Variants in VRK3 observed in about 807,000 individuals in gnomAD.
VRK3 encodes the protein VRK serine/threonine kinase 3.
VRK3 carries 50 observed loss-of-function variants against 60.4 expected under a neutral mutation model. The ratio of observed to expected loss-of-function variants is 0.83; its 90% CI spans 0.66 to 1.05. VRK3 has a LOEUF of 1.05. Among genes scored for constraint, VRK3 ranks in the 50% least tolerant of loss-of-function variants. The pLI, the probability that VRK3 is intolerant of heterozygous loss-of-function variation, is 0.00. For synonymous variants in VRK3, 246 were observed against 227.8 expected (o/e 1.08, Z -0.72); for missense variants, 549 against 585.3 (o/e 0.94, Z 0.64).
At position 49,991,199 on chromosome 19, in the gene VRK3, C is replaced by A. The variant is rs549171326; in HGVS notation, c.964-1428G>T. Among the ~76,000 whole-genome samples the A allele has an allele frequency of 1.5e-4, 23 of 152,278 alleles. 1 individual carries two copies. Among genetic ancestry groups the A allele is most frequent in the Admixed American group, 6.5e-4 (10 of 15,296 alleles). On this transcript the variant is annotated intron_variant, in intron 10 of 14. Coordinates refer to ENST00000316763, the MANE Select transcript of VRK3 (RefSeq NM_016440.4). The stretch of plus-strand genomic sequence containing the variant: ...ATGAGGGTGTTCTGGATGAGATGAA[C>A]ATTGGGGTTTGTAGACTGAGCAAGG...
In VRK3 at chr19:50,016,141, A is replaced by T; in HGVS notation, c.22T>A (p.Cys8Ser). 1 of 1,614,254 alleles carries T rather than the reference A, an allele frequency of 6.2e-7. No individual in the cohort carries two copies. The highest frequency in any genetic ancestry group is 8.5e-7 in the Non-Finnish European group (1 of 1,180,058). ...AATGCCGCTTGGATACTTTTGCCACAGTCTGGACAGAAGGAGATCATGCTA... is the reference window on the plus strand; with the variant it reads ...AATGCCGCTTGGATACTTTTGCCACTGTCTGGACAGAAGGAGATCATGCTA... MISFCPD[C>S]GKSIQAAFKF... The change falls in exon 3 of 15, where the codon TGT becomes AGT. Residue 8 changes from cysteine to serine, a missense_variant. By Grantham distance (112) the Cys-to-Ser change is moderately radical. Transcript: ENST00000316763.
At chr19:50,009,422 A>C in intron 3 of VRK3, 37 bp from the exon 4 acceptor site, 2 of 1,609,288 alleles carry the variant, frequency 1.2e-6, no homozygotes, top group Non-Finnish European at 1.7e-6. Flanking sequence ...CTGGAGTTAC[A>C]AAGGCCCCTC....
intron 3 of VRK3, among the ~76,000 whole-genome samples, chr19:50,009,702 T>G (rs2033263): frequency 0.037 from 5,594 of 152,160 alleles, 349 homozygotes; most frequent in African/African-American, 0.13. Context: ...GGTGCAATCT[T>G]GGCTCACTGC....
chr19:50,019,947 T>G (rs537771051), intron 2 of VRK3, among the ~76,000 whole-genome samples: 7 of 151,990 alleles, frequency 4.6e-5, no homozygotes, highest in East Asian at 1.9e-4. Flanking sequence ...GGCACGATCT[T>G]GGCTCACTGC....
chr19:49,988,514 T>C (rs902954313), intron 11 of VRK3, 22 bp from the exon 12 acceptor site: 2 of 1,609,682 alleles, frequency 1.2e-6, no homozygotes, highest in South Asian at 1.1e-5. Flanking sequence ...GGAGTAAAGG[T>C]GGCAGCTCAA....
In VRK3 at chr19:50,019,674, CTTTTTTTTTTTTTTTTTTTTTTTTT is replaced by C. The variant is rs568877003; in HGVS notation, c.-2+886_-2+910del. On this transcript the variant is annotated intron_variant, in intron 2 of 14. Transcript: ENST00000316763. ...ACAGGCATGTGCCACCATGCCTGGC[CTTTTTTTTTTTTTTTTTTTTTTTTT>C]TTTTTTTTTTTTTTACTTTTTGTAG... Among the ~76,000 whole-genome samples the C allele has an allele frequency of 8.4e-4, 38 of 45,018 alleles. 1 individual carries two copies. Among genetic ancestry groups the C allele is most frequent in the Middle Eastern group, 0.037 (2 of 54 alleles). 29.5% of individuals were successfully genotyped at this position (45,018 alleles called of 152,430 possible). A position where few individuals can be genotyped will look rare whatever the true frequency, so the allele number is the denominator to read the frequency against.
rs750009257 is a variant in VRK3 at position 50,007,614 on chromosome 19, G to A, written c.502C>T (p.Leu168=). ...LTDKSGRQWK[L]KSFQTRDNQG... ...TTGTCCCTGGTCTGGAAGGACTTCA[G>A]CTTCCACTGTCGCCCACTCTTGTCT... Residue 168 remains leucine, a synonymous_variant, in exon 5 of 15, where the codon CTG becomes TTG. Transcript: ENST00000316763. The A allele has an allele frequency of 2.8e-5, 45 of 1,614,104 alleles. No homozygotes were observed. In the East Asian group the frequency reaches 9.8e-4, roughly 35 times the overall value.
intron 12 of VRK3, among the ~76,000 whole-genome samples, chr19:49,985,452 C>T (rs2076495638): frequency 1.3e-5 from 2 of 152,222 alleles, no homozygotes; most frequent in African/African-American, 4.8e-5. Context: ...TAGCATCAAA[C>T]TGTGTCATCC....
intron 12 of VRK3, chr19:49,987,685 C>A (rs1024301710): frequency 2.0e-5 from 3 of 151,482 alleles, no homozygotes; most frequent in Non-Finnish European, 4.4e-5. Flanking sequence ...GTCATAGTTT[C>A]CCACACACAA....
intron 12 of VRK3, chr19:49,982,338 T>A: frequency 1.5e-6 from 1 of 646,486 alleles, no homozygotes; most frequent in Non-Finnish European, 2.8e-6. Context: ...GCTGTTTGAT[T>A]TTTTGTGGAG....
chr19:49,996,035 C>A (rs62115170), intron 7 of VRK3, among the ~76,000 whole-genome samples: 18,326 of 152,076 alleles, frequency 0.12, 1,414 homozygotes, highest in East Asian at 0.29. Context: ...GATTCTCCTG[C>A]CTCAGCCTCC....
At chr19:50,009,444 T>C (rs117151723) in intron 3 of VRK3, 59 bp from the exon 4 acceptor site, 47 of 1,594,256 alleles carry the variant, frequency 2.9e-5, no homozygotes, top group Non-Finnish European at 3.8e-5. Flanking sequence ...GCAGGCACCA[T>C]TGGACTGGGA....
At chr19:49,983,288 C>T (rs1195724481) in intron 12 of VRK3, among the ~76,000 whole-genome samples, 1 of 152,212 alleles carries the variant, frequency 6.6e-6, no homozygotes, top group Non-Finnish European at 1.5e-5. Context: ...ATATCGCTCT[C>T]GCTGCCTGGG....
At chr19:49,998,863 T>C (rs1432374280) in intron 6 of VRK3, 2 of 141,352 alleles carry the variant, frequency 1.4e-5, no homozygotes, top group Non-Finnish European at 3.0e-5. Context: ...CTCATGCCTA[T>C]AATCCCAGCA....
chr19:49,991,082 T>C (rs904773690), intron 10 of VRK3, among the ~76,000 whole-genome samples: 2 of 152,296 alleles, frequency 1.3e-5, no homozygotes, highest in South Asian at 4.1e-4. Flanking sequence ...TGTGAGCCAC[T>C]GGGCCTGGCC....
intron 3 of VRK3, among the ~76,000 whole-genome samples, chr19:50,010,459 A>G (rs750065867): frequency 2.6e-5 from 4 of 152,172 alleles, no homozygotes; most frequent in Admixed American, 6.5e-5. Context: ...GTTTGTCTTT[A>G]AAGGATGTTT....
rs1368859062 is a variant in VRK3, at chr19:49,981,039, A to G, written c.1218-26T>C. On this transcript the variant is annotated intron_variant, in intron 12 of 14. Transcript: ENST00000316763. Reference sequence around the variant, plus strand: ...CTGAAGGGACAGAAACACATGTGAAAGGTCTCTTAGGGAAAGGAGAGCAAC... The same window carrying G: ...CTGAAGGGACAGAAACACATGTGAAGGGTCTCTTAGGGAAAGGAGAGCAAC... The G allele has an allele frequency of 1.9e-6, 3 of 1,608,652 alleles. No homozygotes were observed. In the African/African-American group the frequency reaches 4.0e-5, roughly 21 times the overall value.
At chr19:49,990,025 A>G (rs905773822) in intron 10 of VRK3, among the ~76,000 whole-genome samples, 4 of 151,406 alleles carry the variant, frequency 2.6e-5, no homozygotes, top group Non-Finnish European at 4.4e-5. Context: ...ATCATTCCAA[A>G]ATTTTTTTTT....
chr19:50,000,497 G>C, intron 6 of VRK3: 1 of 472,820 alleles, frequency 2.1e-6, no homozygotes, highest in Non-Finnish European at 3.9e-6. Flanking sequence ...GTGGGTATTA[G>C]TGGCTCCATT....
Sources: allele counts gnomAD v4.1 joint callset (sites outside exome capture counted in the v4.1 genomes callset), GRCh38; gene constraint gnomAD v4.1.1; transcripts MANE v1.5; gene names NCBI Gene and HGNC (gene_info 2026-07-23, HGNC 2026-07-21).